The following SSBP2 variants were observed in gnomAD, a reference collection of about 807,000 sequenced individuals.
SSBP2 encodes the protein single stranded DNA binding protein 2.
Under a neutral mutation model 61.8 loss-of-function variants are expected in SSBP2, and 17 were observed. The observed-to-expected ratio is 0.28, with a 90% CI of 0.19 to 0.41. The LOEUF (loss-of-function observed/expected upper bound fraction) is 0.41. SSBP2 is among the 10% of genes least tolerant of loss of function. The pLI, the probability that SSBP2 is intolerant of heterozygous loss-of-function variation, is 1.00. For synonymous variants in SSBP2, 139 were observed against 141.3 expected, an observed-to-expected ratio of 0.98 and a Z score of 0.12; for missense variants, 310 against 458.7, an observed-to-expected ratio of 0.68 and a Z score of 2.96.
intron 2 of SSBP2, among the ~76,000 whole-genome samples, chr5:81,643,657 C>G (rs1749003196): frequency 8.3e-6 from 1 of 120,096 alleles, no homozygotes; most frequent in Non-Finnish European, 1.6e-5. Context: ...GGCTGGAGTA[C>G]AGTGGTGCGA....
intron 5 of SSBP2, among the ~76,000 whole-genome samples, chr5:81,501,258 TATATATATATACAC>T (rs1254011724): frequency 0.029 from 1,547 of 52,848 alleles, 193 homozygotes; most frequent in African/African-American, 0.057. Flanking sequence ...TATATATATA[TATATATATATACAC>T]ACACACACAC....
intron 1 of SSBP2, among the ~76,000 whole-genome samples, chr5:81,658,827 A>G (rs1279747883): frequency 6.6e-6 from 1 of 152,204 alleles, no homozygotes; most frequent in East Asian, 1.9e-4. Flanking sequence ...ACCACGATCA[A>G]CTTGGCTTCA....
At chr5:81,593,952 G>T (rs1581120472) in intron 4 of SSBP2, among the ~76,000 whole-genome samples, 1 of 152,292 alleles carries the variant, frequency 6.6e-6, no homozygotes, top group East Asian at 1.9e-4. Context: ...AAAATAATCA[G>T]CTAACATCAT....
At chr5:81,487,336 T>G (rs933682995) in intron 6 of SSBP2, among the ~76,000 whole-genome samples, 4 of 152,292 alleles carry the variant, frequency 2.6e-5, no homozygotes, top group African/African-American at 9.6e-5. Flanking sequence ...CTTCAGCAAA[T>G]AAATACTTAT....
chr5:81,642,465 C>A (rs1240979494), intron 2 of SSBP2, among the ~76,000 whole-genome samples: 1 of 152,174 alleles, frequency 6.6e-6, no homozygotes, highest in Non-Finnish European at 1.5e-5. Context: ...TATGAATATG[C>A]TGTTTTTATC....
intron 4 of SSBP2, among the ~76,000 whole-genome samples, chr5:81,555,108 C>A (rs1178687730): frequency 6.6e-6 from 1 of 151,982 alleles, no homozygotes; most frequent in Non-Finnish European, 1.5e-5. Context: ...AATTTCTTTG[C>A]CTTGTTTAAA....
intron 15 of SSBP2, among the ~76,000 whole-genome samples, chr5:81,433,456 GGACACA>G (rs1329358763): frequency 2.0e-5 from 3 of 151,752 alleles, no homozygotes; most frequent in Admixed American, 2.0e-4. Flanking sequence ...AAGTACCCAG[GGACACA>G]AACACTCTGC....
intron 3 of SSBP2, among the ~76,000 whole-genome samples, chr5:81,621,834 T>C (rs1358686391): frequency 8.6e-6 from 1 of 116,838 alleles, no homozygotes; most frequent in Non-Finnish European, 1.8e-5. Context: ...GAAACCATCA[T>C]TCTCAGTAAA....
chr5:81,577,095 T>C (rs1306334502), intron 4 of SSBP2, among the ~76,000 whole-genome samples: 1 of 152,106 alleles, frequency 6.6e-6, no homozygotes, highest in Non-Finnish European at 1.5e-5. Flanking sequence ...TATAAAATTA[T>C]GCTACATGTA....
chr5:81,446,855 T>TG lies in SSBP2; in HGVS notation c.778+12_778+13insC. The stretch of plus-strand genomic sequence containing the variant: ...ATAATCAAATGCCCATGTGGCTAGT[T>TG]TGATTACAATACCTGCTGGACTAGG... On this transcript the variant is annotated intron_variant, in intron 12 of 16. Coordinates refer to ENST00000320672, the MANE Select transcript of SSBP2 (RefSeq NM_012446.5). 6.2e-7 allele frequency: 1 copy of TG among 1,605,544 alleles called. No homozygotes were observed.
intron 16 of SSBP2, among the ~76,000 whole-genome samples, chr5:81,424,496 T>C (rs1761830792): frequency 6.6e-6 from 1 of 152,272 alleles, no homozygotes; most frequent in East Asian, 1.9e-4. Flanking sequence ...TAAAGTTTAA[T>C]TTTTGAGTAG....
At chr5:81,563,673 T>C (rs949019165) in intron 4 of SSBP2, among the ~76,000 whole-genome samples, 2 of 152,134 alleles carry the variant, frequency 1.3e-5, no homozygotes, top group African/African-American at 4.8e-5. Flanking sequence ...GAGTCTTCTA[T>C]AAATAGTGCT....
At chr5:81,609,043 G>A (rs1008749450) in intron 4 of SSBP2, among the ~76,000 whole-genome samples, 14 of 152,286 alleles carry the variant, frequency 9.2e-5, no homozygotes, top group African/African-American at 3.1e-4. Context: ...GAACTGAAAT[G>A]CTTTGGTTAA....
At chr5:81,512,509 A>G (rs2154082561) in intron 5 of SSBP2, among the ~76,000 whole-genome samples, 1 of 152,282 alleles carries the variant, frequency 6.6e-6, no homozygotes, top group South Asian at 2.1e-4. Context: ...GTCTATTCCT[A>G]GATTATAAGA....
At chr5:81,622,936 A>C (rs903629247) in intron 3 of SSBP2, among the ~76,000 whole-genome samples, 4 of 152,270 alleles carry the variant, frequency 2.6e-5, no homozygotes, top group African/African-American at 9.6e-5. Flanking sequence ...AATAAGCAGT[A>C]AATACAGAGA....
intron 5 of SSBP2, among the ~76,000 whole-genome samples, chr5:81,498,695 A>G (rs1439650538): frequency 6.6e-6 from 1 of 151,918 alleles, no homozygotes; most frequent in African/African-American, 2.4e-5. Flanking sequence ...ATAGATTTCT[A>G]TTCTGTATGT....
chr5:81,592,301 T>C (rs750817244), intron 4 of SSBP2, among the ~76,000 whole-genome samples: 42 of 152,322 alleles, frequency 2.8e-4, no homozygotes, highest in East Asian at 5.8e-4. Context: ...GCGCCTGCCA[T>C]TGCCAAGTTA....
At chr5:81,607,979 C>A (rs1339703171) in intron 4 of SSBP2, among the ~76,000 whole-genome samples, 2 of 152,152 alleles carry the variant, frequency 1.3e-5, no homozygotes, top group Non-Finnish European at 2.9e-5. Flanking sequence ...TAAGTATTTA[C>A]TTCTCACCAA....
chr5:81,720,617 T>C (rs1371660414), intron 1 of SSBP2, among the ~76,000 whole-genome samples: 2 of 152,258 alleles, frequency 1.3e-5, no homozygotes, highest in South Asian at 2.1e-4. Flanking sequence ...TATCACCTTA[T>C]AGACGAAAAG....
Sources: gnomAD v4.1 joint callset for allele counts (sites outside exome capture counted in the v4.1 genomes callset) on GRCh38, gnomAD v4.1.1 for gene constraint, MANE v1.5 for transcripts, NCBI Gene and HGNC (gene_info 2026-07-23, HGNC 2026-07-21) for gene names.